SNX24: variants seen among roughly 807,000 people sequenced by gnomAD.
SNX24 encodes sorting nexin-24.
A neutral mutation model predicts 28.7 loss-of-function variants in SNX24; 22 were observed. That is an observed-to-expected ratio of 0.77 (90% CI 0.55 to 1.10). The LOEUF (loss-of-function observed/expected upper bound fraction) is 1.10, where lower values mean the gene tolerates loss of function less well. SNX24 is among the 50% of genes least tolerant of loss of function. The pLI, the probability that SNX24 is intolerant of heterozygous loss-of-function variation, is 0.00. For synonymous variants in SNX24, 69 were observed against 71.5 expected, an observed-to-expected ratio of 0.96 and a Z score of 0.18; for missense variants, 221 against 201.1, an observed-to-expected ratio of 1.10 and a Z score of -0.60.
At chr5:122,888,685 C>G (rs1756821392) in intron 1 of SNX24, among the ~76,000 whole-genome samples, 1 of 152,176 alleles carries the variant, frequency 6.6e-6, no homozygotes, top group Non-Finnish European at 1.5e-5. Flanking sequence ...AGCCACAACT[C>G]TAAGTGGCCA....
At chr5:122,897,943 A>G (rs945859502) in intron 1 of SNX24, among the ~76,000 whole-genome samples, 5 of 152,214 alleles carry the variant, frequency 3.3e-5, no homozygotes, top group African/African-American at 2.4e-5. Context: ...GGAAAATACC[A>G]TGATGGTCAC....
intron 3 of SNX24, among the ~76,000 whole-genome samples, chr5:122,956,973 A>G (rs531635199): frequency 6.6e-6 from 1 of 151,882 alleles, no homozygotes; most frequent in African/African-American, 2.4e-5. Context: ...ATATTCTCCC[A>G]TTTTATATAT....
chr5:123,011,848 A>T (rs1461987882), downstream of SNX24, among the ~76,000 whole-genome samples: 1 of 152,228 alleles, frequency 6.6e-6, no homozygotes, highest in Non-Finnish European at 1.5e-5. Context: ...AGAAGAAAGC[A>T]GGGACTCAAA....
In SNX24 at chr5:123,008,391, A is replaced by G; in HGVS notation, c.*642A>G. 1 of 670,956 alleles carries G rather than the reference A, an allele frequency of 1.5e-6. No homozygotes were observed. The highest frequency in any genetic ancestry group is 1.8e-6 in the Non-Finnish European group (1 of 542,842). 41.6% of individuals were successfully genotyped at this position (670,956 alleles called of 1,614,324 possible). A position where few individuals can be genotyped will look rare whatever the true frequency, so the allele number is the denominator to read the frequency against. ...TAGCTTCCAAGGTCAGTACATAGGT[A>G]AAATGGGCTATTAGGATGATCCTTG... On this transcript the variant is annotated 3_prime_UTR_variant, in exon 7 of 7. Coordinates refer to ENST00000261369, the MANE Select transcript of SNX24 (RefSeq NM_014035.4).
intron 1 of SNX24, among the ~76,000 whole-genome samples, chr5:122,845,937 C>T (rs552539712): frequency 8.4e-4 from 128 of 152,240 alleles, no homozygotes; most frequent in African/African-American, 3.1e-3. Flanking sequence ...CCCGGACGAG[C>T]TGCAGTCCTC....
chr5:122,893,688 T>A lies in SNX24; in HGVS notation c.61-43046T>A, dbSNP rs548471868. On this transcript the variant is annotated intron_variant, in intron 1 of 6. Transcript: ENST00000261369. ...CACTAAATAGAATTTAAGATTTTTA[T>A]GCAGCACATTTTGTCTTAGAATATA... Among the ~76,000 whole-genome samples, 6 of 152,344 alleles carry A rather than the reference T, an allele frequency of 3.9e-5. No individual in the cohort carries two copies. The East Asian group carries it at 9.6e-4, about 24-fold the overall frequency.
intron 6 of SNX24, among the ~76,000 whole-genome samples, chr5:123,005,954 A>C (rs186579548): frequency 4.3e-4 from 65 of 152,350 alleles, no homozygotes; most frequent in Non-Finnish European, 7.9e-4. Context: ...TTCATGTATT[A>C]GAGATTTTCT....
At chr5:122,899,431 A>G (rs1757336455) in intron 1 of SNX24, among the ~76,000 whole-genome samples, 1 of 152,106 alleles carries the variant, frequency 6.6e-6, no homozygotes, top group Non-Finnish European at 1.5e-5. Context: ...ATTTTTTGAG[A>G]CAGGTTAGTT....
chr5:122,847,095 C>G (rs934621642), intron 1 of SNX24, among the ~76,000 whole-genome samples: 2 of 152,020 alleles, frequency 1.3e-5, no homozygotes, highest in African/African-American at 2.4e-5. Context: ...TTGGGACATT[C>G]ATTTAGGATC....
intron 3 of SNX24, among the ~76,000 whole-genome samples, chr5:122,978,738 A>G (rs1006004994): frequency 6.6e-6 from 1 of 152,190 alleles, no homozygotes; most frequent in African/African-American, 2.4e-5. Flanking sequence ...AGAAATTCCC[A>G]CAGCAGTTTG....
intron 6 of SNX24, among the ~76,000 whole-genome samples, chr5:123,005,947 A>T (rs772961615): frequency 7.9e-5 from 12 of 152,210 alleles, no homozygotes; most frequent in African/African-American, 1.4e-4. Context: ...CTGGATATTC[A>T]TGTATTAGAG....
At chr5:122,851,124 A>G (rs1243471680) in intron 1 of SNX24, among the ~76,000 whole-genome samples, 3 of 152,180 alleles carry the variant, frequency 2.0e-5, no homozygotes, top group Non-Finnish European at 4.4e-5. Context: ...TACTTAGGTC[A>G]CAATACAAAA....
chr5:122,978,967 C>G (rs116231802), intron 3 of SNX24, among the ~76,000 whole-genome samples: 4,303 of 152,254 alleles, frequency 0.028, 76 homozygotes, highest in Middle Eastern at 0.054. Context: ...ACATTCAAGC[C>G]TGTTGATGTT....
chr5:122,994,920 G>A (rs534571281), intron 3 of SNX24, among the ~76,000 whole-genome samples: 16 of 152,260 alleles, frequency 1.1e-4, no homozygotes, highest in East Asian at 1.9e-4. Context: ...AGAGTTGGAT[G>A]TAGTAATATC....
chr5:122,874,421 T>C (rs1391573987), intron 1 of SNX24, among the ~76,000 whole-genome samples: 2 of 152,194 alleles, frequency 1.3e-5, no homozygotes, highest in African/African-American at 2.4e-5. Flanking sequence ...GTGTGAAAGA[T>C]AGGAAAGCAG....
Position 123,001,426 on chromosome 5 carries a change from T to G in SNX24, c.366T>G (p.Ser122=), listed in dbSNP as rs1460277858. 1 of 1,606,248 alleles carries G rather than the reference T, an allele frequency of 6.2e-7. No individual in the cohort carries two copies. The highest frequency in any genetic ancestry group is 1.1e-5 in the South Asian group (1 of 90,316). Residue 122 remains serine, a synonymous_variant, in exon 5 of 7, where the codon TCT becomes TCG. Coordinates refer to ENST00000261369, the MANE Select transcript of SNX24 (RefSeq NM_014035.4). ...TTAGATCTTTTGATGAAACAGAGTC[T>G]GAAGAGTCAAGGTAAGGACTAATCC... is the stretch of plus-strand genomic sequence containing the variant. The part of the protein sequence containing the change: ...ESCGSFDETE[S]EESSKLSHQP...
chr5:122,889,668 T>A (rs993446963), intron 1 of SNX24, among the ~76,000 whole-genome samples: 1 of 146,680 alleles, frequency 6.8e-6, no homozygotes, highest in African/African-American at 2.5e-5. Context: ...TATGTGTATA[T>A]ATATATGTGT....
At position 123,007,893 on chromosome 5, in the gene SNX24, AGGGAC is replaced by A; in HGVS notation, c.*145_*149del. On this transcript the variant is annotated 3_prime_UTR_variant, in exon 7 of 7. Transcript: ENST00000261369. ...GCACAGTCCCAGCTTAATTCAGGGC[AGGGAC>A]ATTTCCATTAGAATGGTGCTCTTAA... The A allele has an allele frequency of 6.9e-7, 1 of 1,458,534 alleles. No individual in the cohort carries two copies. Among genetic ancestry groups the A allele is most frequent in the Non-Finnish European group, 9.0e-7 (1 of 1,105,926 alleles). The allele number at this position is 1,458,534 out of a possible 1,614,324, so 90.3% of individuals were successfully genotyped here.
At chr5:122,999,310 C>T (rs181885556) in intron 3 of SNX24, among the ~76,000 whole-genome samples, 3 of 152,206 alleles carry the variant, frequency 2.0e-5, no homozygotes, top group Non-Finnish European at 4.4e-5. Flanking sequence ...GTTACTGACC[C>T]TTTAAGTGGA....
Sources: allele counts gnomAD v4.1 joint callset (sites outside exome capture counted in the v4.1 genomes callset), GRCh38; gene constraint gnomAD v4.1.1; transcripts MANE v1.5; gene names NCBI Gene and HGNC (gene_info 2026-07-23, HGNC 2026-07-21).